Variants in COBL observed in about 807,000 individuals in gnomAD.
The protein encoded by COBL is cordon-bleu WH2 repeat protein.
Under a neutral mutation model 98.8 loss-of-function variants are expected in COBL, and 51 were observed. The observed-to-expected ratio is 0.52, with a 90% CI of 0.41 to 0.65. The LOEUF is 0.65. COBL is among the 30% of genes least tolerant of loss of function. The pLI is 0.00. For missense variants in COBL, 1,617 were observed against 1,617.5 expected, an observed-to-expected ratio of 1.00 and a Z score of 0.01; for synonymous variants, 634 against 651.7, an observed-to-expected ratio of 0.97 and a Z score of 0.41.
At chr7:51,260,932 G>T (rs1797657298) in intron 1 of COBL, among the ~76,000 whole-genome samples, 1 of 152,134 alleles carries the variant, frequency 6.6e-6, no homozygotes, top group East Asian at 1.9e-4. Context: ...ATCACATCCT[G>T]CCTTTCCCCA....
At chr7:51,256,552 G>A (rs984800470) in intron 1 of COBL, among the ~76,000 whole-genome samples, 3 of 152,228 alleles carry the variant, frequency 2.0e-5, no homozygotes, top group Non-Finnish European at 4.4e-5. Context: ...GAAAAACACC[G>A]TGGAAGATGC....
At chr7:51,094,659 A>G (rs1374800748) in intron 6 of COBL, among the ~76,000 whole-genome samples, 1 of 152,194 alleles carries the variant, frequency 6.6e-6, no homozygotes, top group Admixed American at 6.5e-5. Context: ...AGTTAGCAAC[A>G]TGAAAGCATA....
chr7:51,075,071 T>C (rs1390712963), intron 7 of COBL, among the ~76,000 whole-genome samples: 1 of 152,174 alleles, frequency 6.6e-6, no homozygotes, highest in African/African-American at 2.4e-5. Context: ...ACCAGAAAGA[T>C]ATATGTTGGA....
rs185608467 is a variant in COBL at position 51,204,416 on chromosome 7, A to C, written c.246-10827T>G. Reference sequence around the variant, plus strand: ...TAAAAGGCACATACATCAAAAAATAACTGAAATTATCCCGGGTTACAAGTG... The same window carrying C: ...TAAAAGGCACATACATCAAAAAATACCTGAAATTATCCCGGGTTACAAGTG... On this transcript the variant is annotated intron_variant, in intron 2 of 12. Transcript: ENST00000265136. Among the ~76,000 whole-genome samples the C allele has an allele frequency of 3.7e-3, 563 of 152,314 alleles. 1 individual carries two copies. The highest frequency in any genetic ancestry group is 6.8e-3 in the Middle Eastern group (2 of 294).
intron 6 of COBL, among the ~76,000 whole-genome samples, chr7:51,099,653 C>A (rs1795638427): frequency 6.6e-6 from 1 of 151,964 alleles, no homozygotes; most frequent in African/African-American, 2.4e-5. Flanking sequence ...TGAAAAAGTT[C>A]TAGTGATCTA....
At chr7:51,176,260 G>A (rs920303225) in intron 5 of COBL, among the ~76,000 whole-genome samples, 1 of 152,000 alleles carries the variant, frequency 6.6e-6, no homozygotes, top group Non-Finnish European at 1.5e-5. Context: ...GTTTAAAAGA[G>A]GAAAAAATTA....
intron 6 of COBL, among the ~76,000 whole-genome samples, chr7:51,104,365 G>A (rs1272488720): frequency 6.6e-6 from 1 of 152,220 alleles, no homozygotes; most frequent in Admixed American, 6.5e-5. Flanking sequence ...TAGAAAAGCA[G>A]AGCAAGAGAT....
intron 1 of COBL, among the ~76,000 whole-genome samples, chr7:51,279,896 T>G (rs956103875): frequency 2.0e-5 from 3 of 152,184 alleles, no homozygotes; most frequent in Admixed American, 6.5e-5. Context: ...TTCTTTCACT[T>G]GGTAACATGT....
chr7:51,187,197 T>A (rs1422243043), intron 4 of COBL, among the ~76,000 whole-genome samples: 1 of 151,672 alleles, frequency 6.6e-6, no homozygotes, highest in Non-Finnish European at 1.5e-5. Flanking sequence ...AGGAGGAGAC[T>A]CAGTGACCAG....
intron 1 of COBL, among the ~76,000 whole-genome samples, chr7:51,224,567 G>C (rs1342219159): frequency 6.7e-6 from 1 of 150,204 alleles, no homozygotes; most frequent in African/African-American, 2.4e-5. Flanking sequence ...AAGAGAAAAA[G>C]GAAAAAAAAA....
chr7:51,247,776 T>C (rs1483907744), intron 1 of COBL, among the ~76,000 whole-genome samples: 1 of 152,186 alleles, frequency 6.6e-6, no homozygotes, highest in Admixed American at 6.5e-5. Flanking sequence ...TCAGCTGAGT[T>C]ACTGCTGAAA....
At chr7:51,040,888 G>T (rs541051540) in intron 8 of COBL, among the ~76,000 whole-genome samples, 1 of 152,180 alleles carries the variant, frequency 6.6e-6, no homozygotes, top group Non-Finnish European at 1.5e-5. Context: ...TTACATCAAC[G>T]GTCAGCACCA....
At chr7:51,198,888 C>G (rs1790843718) in intron 2 of COBL, among the ~76,000 whole-genome samples, 1 of 152,168 alleles carries the variant, frequency 6.6e-6, no homozygotes, top group African/African-American at 2.4e-5. Flanking sequence ...TTGTGAAACC[C>G]TGGTAGAGCC....
At chr7:51,138,461 C>T (rs1289849620) in intron 5 of COBL, among the ~76,000 whole-genome samples, 1 of 152,158 alleles carries the variant, frequency 6.6e-6, no homozygotes, top group Admixed American at 6.5e-5. Context: ...TTTTGCTATT[C>T]ACAGTTCTGG....
intron 8 of COBL, among the ~76,000 whole-genome samples, chr7:51,037,835 C>T (rs867979607): frequency 6.6e-6 from 1 of 152,184 alleles, no homozygotes. Flanking sequence ...ATTGCAGCAG[C>T]ACATATAACA....
intron 1 of COBL, among the ~76,000 whole-genome samples, chr7:51,285,187 C>T (rs1800228332): frequency 6.6e-6 from 1 of 152,024 alleles, no homozygotes; most frequent in Non-Finnish European, 1.5e-5. Flanking sequence ...CCTCGTGATC[C>T]ACCCGCCTCA....
At chr7:51,279,160 C>T (rs1172766822) in intron 1 of COBL, among the ~76,000 whole-genome samples, 2 of 152,158 alleles carry the variant, frequency 1.3e-5, no homozygotes, top group East Asian at 1.9e-4. Flanking sequence ...ATGGGAAAGG[C>T]GTGGCACACA....
At chr7:51,210,351 G>A (rs1792295684) in intron 2 of COBL, among the ~76,000 whole-genome samples, 1 of 152,194 alleles carries the variant, frequency 6.6e-6, no homozygotes, top group Non-Finnish European at 1.5e-5. Flanking sequence ...ACAGACATGA[G>A]TTATCAGACA....
intron 10 of COBL, 85 bp downstream of exon 10, chr7:51,027,627 T>C: frequency 1.7e-6 from 2 of 1,158,644 alleles, no homozygotes; most frequent in Non-Finnish European, 1.2e-6. Flanking sequence ...TCTCTCTCTC[T>C]CCTCCGCTTT....
Sources: gnomAD v4.1 joint callset for allele counts (sites outside exome capture counted in the v4.1 genomes callset) on GRCh38, gnomAD v4.1.1 for gene constraint, MANE v1.5 for transcripts, NCBI Gene and HGNC (gene_info 2026-07-23, HGNC 2026-07-21) for gene names.